PDE1C: variants seen among roughly 807,000 people sequenced by gnomAD.
The protein encoded by PDE1C is phosphodiesterase 1C.
In PDE1C, 62 loss-of-function variants were observed where a neutral mutation model predicts 93.1. The observed-to-expected ratio is 0.67, with a 90% CI of 0.54 to 0.82. PDE1C has a LOEUF of 0.82. PDE1C is among the 40% of genes least tolerant of loss of function. The probability of loss-of-function intolerance (pLI) is 0.00; values close to 1 mark genes in which losing one functional copy is unlikely to be tolerated. For missense variants in PDE1C, 742 were observed against 884.6 expected, an observed-to-expected ratio of 0.84 and a Z score of 2.04; for synonymous variants, 325 against 310.1, an observed-to-expected ratio of 1.05 and a Z score of -0.50.
intron 1 of PDE1C, among the ~76,000 whole-genome samples, chr7:32,426,142 G>A (rs1416910432): frequency 6.6e-6 from 1 of 151,954 alleles, no homozygotes; most frequent in Non-Finnish European, 1.5e-5. Flanking sequence ...ATATGTATCT[G>A]CACATTTAAA....
At chr7:31,672,652 G>A in the PDE1C span, among the ~76,000 whole-genome samples, 4 of 151,734 alleles carry the variant, frequency 2.6e-5, no homozygotes, top group Non-Finnish European at 5.9e-5. Flanking sequence ...AATAAATAAA[G>A]ACCATTCAAA....
In PDE1C at chr7:31,753,606, C is replaced by A. The variant is rs1794252012; in HGVS notation, c.1961-53G>T. On this transcript the variant is annotated intron_variant, in intron 17 of 17. Coordinates refer to ENST00000396191, the MANE Select transcript of PDE1C (RefSeq NM_001191057.4). ...AACGGTTAGCCTCACCCACGACATG[C>A]CACAACCTAAATATTGTGAGCAACT... is the stretch of plus-strand genomic sequence containing the variant. 3 of 1,561,254 alleles carry A rather than the reference C, an allele frequency of 1.9e-6. No individual in the cohort carries two copies. In the South Asian group the frequency reaches 3.6e-5, roughly 19 times the overall value.
At chr7:32,268,107 A>G (rs1810734880) in intron 1 of PDE1C, among the ~76,000 whole-genome samples, 1 of 152,194 alleles carries the variant, frequency 6.6e-6, no homozygotes, top group Non-Finnish European at 1.5e-5. Context: ...TGGAACCCAA[A>G]TGTGGAGGTC....
At chr7:31,788,943 C>A (rs1784286253) in intron 16 of PDE1C, 1 of 152,124 alleles carries the variant, frequency 6.6e-6, no homozygotes. Context: ...CAATATTTCA[C>A]CTTAGTAATA....
chr7:31,934,560 A>C (rs1354917867), intron 2 of PDE1C, among the ~76,000 whole-genome samples: 1 of 81,872 alleles, frequency 1.2e-5, no homozygotes, highest in African/African-American at 4.2e-5. Context: ...CACCACCAAT[A>C]CAAAAAAAAA....
chr7:32,406,068 T>C (rs576722986), intron 1 of PDE1C, among the ~76,000 whole-genome samples: 1 of 152,150 alleles, frequency 6.6e-6, no homozygotes, highest in Non-Finnish European at 1.5e-5. Flanking sequence ...GTTATTAGTA[T>C]CTTCATGTTA....
intron 1 of PDE1C, among the ~76,000 whole-genome samples, chr7:32,218,033 C>T (rs1806554629): frequency 6.6e-6 from 1 of 152,148 alleles, no homozygotes; most frequent in African/African-American, 2.4e-5. Flanking sequence ...CTCGTGCTAC[C>T]CATCACATTT....
chr7:31,906,304 A>G (rs140087117), intron 2 of PDE1C, among the ~76,000 whole-genome samples: 102 of 152,310 alleles, frequency 6.7e-4, no homozygotes, highest in African/African-American at 2.3e-3. Flanking sequence ...AAGTGTTAAT[A>G]ACATGAGATC....
At chr7:32,311,492 G>A (rs1433456155) in intron 1 of PDE1C, among the ~76,000 whole-genome samples, 4 of 152,150 alleles carry the variant, frequency 2.6e-5, no homozygotes, top group East Asian at 1.9e-4. Context: ...GAACATTGAT[G>A]CAAAAATCCT....
intron 2 of PDE1C, among the ~76,000 whole-genome samples, chr7:32,016,622 A>G (rs1787942718): frequency 6.6e-6 from 1 of 152,186 alleles, no homozygotes; most frequent in Admixed American, 6.5e-5. Flanking sequence ...GCCCAATAAC[A>G]GTGGAATGGT....
intron 15 of PDE1C, among the ~76,000 whole-genome samples, chr7:31,813,515 T>C (rs995187081): frequency 6.6e-6 from 1 of 152,146 alleles, no homozygotes; most frequent in Non-Finnish European, 1.5e-5. Context: ...ATTGACTTTC[T>C]GATTTTGTTA....
At chr7:31,672,579 T>G in the PDE1C span, among the ~76,000 whole-genome samples, 1 of 152,208 alleles carries the variant, frequency 6.6e-6, no homozygotes, top group African/African-American at 2.4e-5. Context: ...CTTTTTTATT[T>G]TTTAATTGTA....
chr7:32,388,817 A>G (rs1268622699), intron 1 of PDE1C, among the ~76,000 whole-genome samples: 1 of 152,126 alleles, frequency 6.6e-6, no homozygotes, highest in Non-Finnish European at 1.5e-5. Context: ...TGGGTAGAAT[A>G]GGACCCAAAA....
At chr7:31,926,356 C>G (rs12216600) in intron 2 of PDE1C, among the ~76,000 whole-genome samples, 1 of 152,026 alleles carries the variant, frequency 6.6e-6, no homozygotes, top group Non-Finnish European at 1.5e-5. Flanking sequence ...AGTTCCTCAC[C>G]CAGATCCTAG....
At chr7:32,390,303 C>G (rs936280824) in intron 1 of PDE1C, among the ~76,000 whole-genome samples, 2 of 151,930 alleles carry the variant, frequency 1.3e-5, no homozygotes, top group African/African-American at 4.8e-5. Context: ...GCATATTGTA[C>G]TCCCTAAAGC....
At chr7:31,803,418 T>C (rs1036900721) in intron 16 of PDE1C, among the ~76,000 whole-genome samples, 2 of 151,632 alleles carry the variant, frequency 1.3e-5, no homozygotes, top group Non-Finnish European at 2.9e-5. Context: ...ATTATTATTA[T>C]TATACTTTAA....
intron 2 of PDE1C, among the ~76,000 whole-genome samples, chr7:32,011,752 GA>G (rs1039095731): frequency 2.0e-5 from 3 of 152,088 alleles, no homozygotes; most frequent in African/African-American, 7.2e-5. Context: ...TACAACTTTG[GA>G]AAAAAGTTTG....
At chr7:32,418,932 T>C (rs559630476) in intron 1 of PDE1C, among the ~76,000 whole-genome samples, 28 of 152,122 alleles carry the variant, frequency 1.8e-4, no homozygotes, top group Non-Finnish European at 3.4e-4. Context: ...AATGAATCTG[T>C]TATGTGTGTA....
the PDE1C span, among the ~76,000 whole-genome samples, chr7:31,666,517 T>G: frequency 1.3e-5 from 2 of 152,336 alleles, no homozygotes; most frequent in Middle Eastern, 3.4e-3. Context: ...GTAATTTGTA[T>G]GAATAGGTTT....
Sources: allele counts gnomAD v4.1 joint callset (sites outside exome capture counted in the v4.1 genomes callset), GRCh38; gene constraint gnomAD v4.1.1; transcripts MANE v1.5; gene names NCBI Gene and HGNC (gene_info 2026-07-23, HGNC 2026-07-21).